Variants in FSIP1 observed in about 807,000 individuals in gnomAD.
FSIP1 encodes the protein fibrous sheath interacting protein 1.
Under a neutral mutation model 60.9 loss-of-function variants are expected in FSIP1, and 65 were observed. That is an observed-to-expected ratio of 1.07 (90% CI 0.87 to 1.31). The LOEUF (loss-of-function observed/expected upper bound fraction) is 1.31. FSIP1 is among the 40% of genes most tolerant of loss of function. The pLI, the probability that FSIP1 is intolerant of heterozygous loss-of-function variation, is 0.00. For missense variants in FSIP1, 675 were observed against 665.5 expected, an observed-to-expected ratio of 1.01 and a Z score of -0.16; for synonymous variants, 209 against 221.2, an observed-to-expected ratio of 0.94 and a Z score of 0.49.
intron 10 of FSIP1, among the ~76,000 whole-genome samples, chr15:39,643,655 C>A (rs1171082283): frequency 5.3e-5 from 8 of 152,158 alleles, no homozygotes; most frequent in Non-Finnish European, 8.8e-5. Context: ...CTAGATATAT[C>A]TGGGGAAATT....
chr15:39,698,168 T>C (rs1453242391), intron 10 of FSIP1, among the ~76,000 whole-genome samples: 1 of 125,582 alleles, frequency 8.0e-6, no homozygotes, highest in Non-Finnish European at 1.7e-5. Context: ...ATTTCAAATA[T>C]ATATATATAT....
chr15:39,676,393 A>G (rs547412946), intron 10 of FSIP1, among the ~76,000 whole-genome samples: 48 of 152,170 alleles, frequency 3.2e-4, no homozygotes, highest in Admixed American at 3.1e-3. Flanking sequence ...TTTTGGGCCC[A>G]GTAAGGAAAT....
At chr15:39,622,281 G>A (rs573667546) in intron 10 of FSIP1, among the ~76,000 whole-genome samples, 3 of 152,220 alleles carry the variant, frequency 2.0e-5, no homozygotes, top group African/African-American at 7.2e-5. Flanking sequence ...TCAACATAGT[G>A]CATCTCAGTC....
intron 8 of FSIP1, among the ~76,000 whole-genome samples, chr15:39,731,669 T>C (rs1448016541): frequency 6.6e-6 from 1 of 152,246 alleles, no homozygotes; most frequent in African/African-American, 2.4e-5. Context: ...CCTTGCTATG[T>C]GTGGGGAACT....
At chr15:39,737,773 G>A (rs992451014) in intron 8 of FSIP1, among the ~76,000 whole-genome samples, 1 of 151,998 alleles carries the variant, frequency 6.6e-6, no homozygotes, top group South Asian at 2.1e-4. Flanking sequence ...TTTCACCCAG[G>A]TATTAAGCCT....
intron 8 of FSIP1, among the ~76,000 whole-genome samples, chr15:39,735,556 G>A (rs1434228217): frequency 6.6e-6 from 1 of 152,144 alleles, no homozygotes; most frequent in Non-Finnish European, 1.5e-5. Context: ...GAGCGACTGT[G>A]AACACCAAGG....
chr15:39,656,256 A>G (rs1358079012), intron 10 of FSIP1, among the ~76,000 whole-genome samples: 1 of 152,240 alleles, frequency 6.6e-6, no homozygotes, highest in Admixed American at 6.5e-5. Context: ...CATGCTTCTC[A>G]GCCTTGAGTA....
intron 4 of FSIP1, among the ~76,000 whole-genome samples, 164 bp downstream of exon 4, chr15:39,765,428 C>T (rs1374383061): frequency 6.6e-6 from 1 of 151,422 alleles, no homozygotes; most frequent in Non-Finnish European, 1.5e-5. Context: ...TTTTTTTGTA[C>T]AGATGGGGTC....
At chr15:39,776,077 G>A (rs922138830) in intron 2 of FSIP1, among the ~76,000 whole-genome samples, 3 of 149,104 alleles carry the variant, frequency 2.0e-5, no homozygotes, top group Non-Finnish European at 4.4e-5. Flanking sequence ...ACAAAGTACA[G>A]TGCAGAGAAA....
chr15:39,658,685 T>G (rs1446852122), intron 10 of FSIP1, among the ~76,000 whole-genome samples: 6 of 152,254 alleles, frequency 3.9e-5, no homozygotes, highest in Non-Finnish European at 8.8e-5. Context: ...TCATCCTGAA[T>G]GATCTAATTC....
chr15:39,608,176 A>G (rs944011347), intron 11 of FSIP1, among the ~76,000 whole-genome samples: 3 of 152,248 alleles, frequency 2.0e-5, no homozygotes, highest in Admixed American at 2.0e-4. Flanking sequence ...AACAGAAAGT[A>G]AAATATGGTT....
chr15:39,635,890 T>C (rs1892116380), intron 10 of FSIP1, among the ~76,000 whole-genome samples: 2 of 152,226 alleles, frequency 1.3e-5, no homozygotes, highest in East Asian at 1.9e-4. Flanking sequence ...AACGGTACCA[T>C]ACTTCACAAG....
downstream of FSIP1, chr15:39,599,113 C>T (rs1890551587): frequency 6.6e-6 from 1 of 152,048 alleles, no homozygotes; most frequent in Non-Finnish European, 1.5e-5. Flanking sequence ...TTAGTAAAGA[C>T]GGGGTTTCAC....
In FSIP1 at chr15:39,741,878, G is replaced by A; in HGVS notation, c.582C>T (p.Asp194=). Residue 194 remains aspartate, a synonymous_variant, in exon 6 of 12, where the codon GAC becomes GAT. Coordinates refer to ENST00000350221, the MANE Select transcript of FSIP1 (RefSeq NM_152597.5). The part of the protein sequence containing the change: ...ETVGPSHEEE[D]TFSSVFHTQI... ...GAGTATGAAACACTGAGGAAAAGGTGTCTTCCTCCTCATGAGAAGGACCTG... is the reference window on the plus strand; with the variant it reads ...GAGTATGAAACACTGAGGAAAAGGTATCTTCCTCCTCATGAGAAGGACCTG... 2 of 1,598,006 alleles carry A rather than the reference G, an allele frequency of 1.3e-6. No homozygotes were observed. Among genetic ancestry groups the A allele is most frequent in the East Asian group, 2.2e-5 (1 of 44,688 alleles).
intron 10 of FSIP1, among the ~76,000 whole-genome samples, chr15:39,629,174 T>A (rs1891772917): frequency 6.6e-6 from 1 of 152,146 alleles, no homozygotes; most frequent in South Asian, 2.1e-4. Flanking sequence ...ATGAGTAAGC[T>A]GTCATGTGTA....
chr15:39,599,134 A>G (rs1238218543), downstream of FSIP1: 1 of 152,198 alleles, frequency 6.6e-6, no homozygotes, highest in African/African-American at 2.4e-5. Context: ...CTTGTTCCGG[A>G]CAAACACTAA....
At chr15:39,728,738 G>A (rs1258110926) in intron 8 of FSIP1, among the ~76,000 whole-genome samples, 4 of 152,082 alleles carry the variant, frequency 2.6e-5, no homozygotes, top group Admixed American at 6.6e-5. Context: ...AAAAGCAATC[G>A]CAACAAAAAC....
chr15:39,730,891 G>A (rs1376778409), intron 8 of FSIP1, among the ~76,000 whole-genome samples: 1 of 152,218 alleles, frequency 6.6e-6, no homozygotes, highest in South Asian at 2.1e-4. Context: ...CTAAAGCCAT[G>A]TTTATGGCTG....
intron 10 of FSIP1, among the ~76,000 whole-genome samples, chr15:39,628,588 T>G (rs1372818328): frequency 2.0e-5 from 3 of 152,218 alleles, no homozygotes; most frequent in South Asian, 4.1e-4. Context: ...TTAAGTTATT[T>G]CCTCGTGGCA....
Sources: allele counts gnomAD v4.1 joint callset (sites outside exome capture counted in the v4.1 genomes callset), GRCh38; gene constraint gnomAD v4.1.1; transcripts MANE v1.5; gene names NCBI Gene and HGNC (gene_info 2026-07-23, HGNC 2026-07-21).